The following TRPC7 variants were observed in gnomAD, a reference collection of about 807,000 sequenced individuals.
TRPC7 encodes the protein short transient receptor potential channel 7.
In TRPC7, 42 loss-of-function variants were observed where a neutral mutation model predicts 90.1. The ratio of observed to expected loss-of-function variants is 0.47; its 90% CI spans 0.36 to 0.60. TRPC7 has a LOEUF of 0.60. Ranked by LOEUF, TRPC7 falls within the 20% of genes least tolerant of loss-of-function variation. The pLI, the probability that TRPC7 is intolerant of heterozygous loss-of-function variation, is 0.00. For missense variants in TRPC7, 955 were observed against 1,112.3 expected (o/e 0.86, Z 2.01); for synonymous variants, 451 against 436.3 (o/e 1.03, Z -0.42).
intron 3 of TRPC7, among the ~76,000 whole-genome samples, chr5:136,292,029 C>T (rs1757977003): frequency 6.6e-6 from 1 of 152,144 alleles, no homozygotes. Flanking sequence ...GAACAACCTG[C>T]TCCTGAATGA....
intron 3 of TRPC7, among the ~76,000 whole-genome samples, chr5:136,304,855 G>T (rs1758551216): frequency 6.6e-6 from 1 of 152,164 alleles, no homozygotes; most frequent in East Asian, 1.9e-4. Flanking sequence ...GGCATGGTTA[G>T]TGTAGTCAGA....
intron 3 of TRPC7, among the ~76,000 whole-genome samples, chr5:136,277,494 T>A (rs188286948): frequency 5.6e-4 from 85 of 152,154 alleles, no homozygotes; most frequent in Non-Finnish European, 8.4e-4. Flanking sequence ...TCAATGTGTA[T>A]CAAAAGATTT....
chr5:136,365,142 T>G, intron 1 of TRPC7, 111 bp downstream of exon 1: 1 of 1,219,004 alleles, frequency 8.2e-7, no homozygotes, highest in Non-Finnish European at 1.2e-6. Flanking sequence ...ATCTAAGCAG[T>G]GCACTAGAGG....
At chr5:136,291,759 C>T (rs1291548929) in intron 3 of TRPC7, among the ~76,000 whole-genome samples, 5 of 152,096 alleles carry the variant, frequency 3.3e-5, no homozygotes, top group African/African-American at 1.2e-4. Flanking sequence ...CAAGGATATC[C>T]AGGAATTGAA....
intron 3 of TRPC7, among the ~76,000 whole-genome samples, chr5:136,296,716 A>C (rs1342095857): frequency 6.6e-6 from 1 of 152,220 alleles, no homozygotes; most frequent in Non-Finnish European, 1.5e-5. Context: ...AACAAAAATA[A>C]TTGATATATG....
intron 10 of TRPC7, among the ~76,000 whole-genome samples, chr5:136,220,058 T>C (rs1755403855): frequency 6.6e-6 from 1 of 152,256 alleles, no homozygotes; most frequent in South Asian, 2.1e-4. Context: ...CTTACACTTG[T>C]CTTTATTTTA....
At chr5:136,336,813 C>T (rs1759680933) in intron 2 of TRPC7, among the ~76,000 whole-genome samples, 1 of 152,094 alleles carries the variant, frequency 6.6e-6, no homozygotes, top group Admixed American at 6.6e-5. Flanking sequence ...TTTCCAGCTA[C>T]ATCCATGTCC....
rs1419921320 is a variant in TRPC7 at position 136,251,807 on chromosome 5, A to T, written c.1421T>A (p.Leu474Gln). 6.2e-7 allele frequency: 1 copy of T among 1,613,896 alleles called. No individual in the cohort carries two copies. The highest frequency in any genetic ancestry group is 1.3e-5 in the African/African-American group (1 of 74,936). The change falls in exon 6 of 12, where the codon CTA (leucine) becomes CAA (glutamine). Residue 474 changes from leucine to glutamine, a missense_variant. By Grantham distance (113) the Leu-to-Gln change is moderately radical (BLOSUM62 -2). This residue lies in a region of TRPC7 where 484 missense variants were observed against 509.6 expected (regional missense o/e 0.95). Transcript: ENST00000513104. ...GAAGATGGACAGCATCCCGAAATCTAGCAGGTTCCACAAGTGCAGCACGTA... is the reference window on the plus strand; with the variant it reads ...GAAGATGGACAGCATCCCGAAATCTTGCAGGTTCCACAAGTGCAGCACGTA... ...REYVLHLWNL[L>Q]DFGMLSIFVA...
intron 7 of TRPC7, among the ~76,000 whole-genome samples, chr5:136,233,605 T>TGTCTGAAG (rs1020181886): frequency 6.6e-6 from 1 of 152,144 alleles, no homozygotes; most frequent in African/African-American, 2.4e-5. Flanking sequence ...TGGAGAACAG[T>TGTCTGAAG]GTCTGAAGGG....
intron 4 of TRPC7, among the ~76,000 whole-genome samples, chr5:136,273,980 C>T (rs1757282549): frequency 6.6e-6 from 1 of 152,162 alleles, no homozygotes; most frequent in Non-Finnish European, 1.5e-5. Flanking sequence ...GTTTCCACTC[C>T]TTCCATCACT....
At chr5:136,360,779 C>T (rs2649701) in intron 1 of TRPC7, among the ~76,000 whole-genome samples, 1 of 151,918 alleles carries the variant, frequency 6.6e-6, no homozygotes, top group Admixed American at 6.6e-5. Context: ...ATGCGAGGGG[C>T]TTCACAATAG....
chr5:136,314,371 T>G (rs1561715310), intron 3 of TRPC7: 1 of 152,208 alleles, frequency 6.6e-6, no homozygotes, highest in East Asian at 1.9e-4. Flanking sequence ...TGGTTTAAGC[T>G]AAAAGGTGAG....
chr5:136,231,276 C>T (rs779785891), intron 8 of TRPC7, 78 bp downstream of exon 8: 23 of 1,283,734 alleles, frequency 1.8e-5, no homozygotes, highest in East Asian at 1.7e-4. Flanking sequence ...GGGCTTCTAA[C>T]ATCATTCCCC....
intron 5 of TRPC7, among the ~76,000 whole-genome samples, chr5:136,258,085 A>G (rs1407704826): frequency 6.6e-6 from 1 of 152,224 alleles, no homozygotes; most frequent in Non-Finnish European, 1.5e-5. Flanking sequence ...TAAAAGCTCT[A>G]TGAATCTGAA....
At chr5:136,230,070 C>G (rs759740456) in intron 8 of TRPC7, among the ~76,000 whole-genome samples, 1 of 152,226 alleles carries the variant, frequency 6.6e-6, no homozygotes, top group African/African-American at 2.4e-5. Context: ...CAGTATCCTA[C>G]ACCTTATTCT....
intron 7 of TRPC7, among the ~76,000 whole-genome samples, chr5:136,232,143 TA>T (rs776469247): frequency 3.3e-5 from 5 of 152,238 alleles, no homozygotes; most frequent in Non-Finnish European, 5.9e-5. Context: ...GTAATTAACT[TA>T]AACATTTAAA....
At position 136,294,548 on chromosome 5, in the gene TRPC7, A is replaced by G. The variant is rs571740261; in HGVS notation, c.964-19711T>C. 3.4e-3 allele frequency among the ~76,000 whole-genome samples: 513 copies of G among 152,236 alleles called. 5 individuals carry two copies. The highest frequency in any genetic ancestry group is 0.012 in the African/African-American group (480 of 41,516). On this transcript the variant is annotated intron_variant, in intron 3 of 11. Coordinates refer to ENST00000513104, the MANE Select transcript of TRPC7 (RefSeq NM_020389.3). ...AAAAACACATGAAAAAATGCTCATC[A>G]TCCCTGGCCATCAGAAAAATGCAAA...
chr5:136,360,497 G>A (rs1240047223), intron 1 of TRPC7, among the ~76,000 whole-genome samples: 1 of 152,134 alleles, frequency 6.6e-6, no homozygotes, highest in Non-Finnish European at 1.5e-5. Flanking sequence ...TGTATAGCTA[G>A]TACTTGGCAG....
intron 3 of TRPC7, among the ~76,000 whole-genome samples, chr5:136,306,917 C>G (rs999673181): frequency 1.3e-5 from 2 of 152,222 alleles, no homozygotes; most frequent in Admixed American, 1.3e-4. Flanking sequence ...CACCACCCTT[C>G]GCTGACTCTC....
Sources: allele counts gnomAD v4.1 joint callset (sites outside exome capture counted in the v4.1 genomes callset), GRCh38; gene constraint gnomAD v4.1.1; regional missense constraint gnomAD v4.1.1; transcripts MANE v1.5; gene names NCBI Gene and HGNC (gene_info 2026-07-23, HGNC 2026-07-21).